Variants in AGAP1 observed in about 807,000 individuals in gnomAD.
The protein encoded by AGAP1 is ArfGAP with GTPase domain, ankyrin repeat and PH domain 1, also known as arf-GAP with GTPase, ANK repeat and PH domain-containing protein 1.
Under a neutral mutation model 105.3 loss-of-function variants are expected in AGAP1, and 29 were observed. The observed-to-expected ratio is 0.28, with a 90% confidence interval of 0.21 to 0.38. The LOEUF is 0.38. Among genes scored for constraint, AGAP1 ranks in the 10% least tolerant of loss-of-function variants. The pLI is 1.00. For synonymous variants in AGAP1, 509 were observed against 485.9 expected (o/e 1.05, Z -0.63); for missense variants, 998 against 1,165.1 (o/e 0.86, Z 2.09).
chr2:235,970,851 T>C lies in AGAP1; in HGVS notation c.1645+2228T>C, dbSNP rs1411462516. ...GTTTCAGGTCCACTTGCTGAGTGAGTGGGATGGTATGTGTGTGCGAGGCAA... is the reference window on the plus strand; with the variant it reads ...GTTTCAGGTCCACTTGCTGAGTGAGCGGGATGGTATGTGTGTGCGAGGCAA... On this transcript the variant is annotated intron_variant, in intron 13 of 17. Coordinates refer to ENST00000304032, the MANE Select transcript of AGAP1 (RefSeq NM_001037131.3). The surrounding 1 kb of genome is among the most constrained non-coding windows in gnomAD (Gnocchi z 5.4). Among the ~76,000 whole-genome samples, 1 of 151,954 alleles carries C rather than the reference T, an allele frequency of 6.6e-6. No individual in the cohort carries two copies. The highest frequency in any genetic ancestry group is 1.5e-5 in the Non-Finnish European group (1 of 67,982).
rs554901772 is a variant in AGAP1, at chr2:236,058,235, A to C, written c.2114+8954A>C. 1.4e-3 allele frequency among the ~76,000 whole-genome samples: 213 copies of C among 152,314 alleles called. No individual in the cohort carries two copies. Among genetic ancestry groups the C allele is most frequent in the Non-Finnish European group, 2.9e-3 (194 of 68,028 alleles). On this transcript the variant is annotated intron_variant, in intron 16 of 17. Transcript: ENST00000304032. The surrounding 1 kb of genome is among the most constrained non-coding windows in gnomAD (Gnocchi z 4.6). ...CCTGTGAACTCACTGTGTTAATCCA[A>C]GTCCCTGGACTTCATTCCTCACTTC... is the stretch of plus-strand genomic sequence containing the variant.
At chr2:235,765,389 C>T (rs555456605) in intron 6 of AGAP1, among the ~76,000 whole-genome samples, 5 of 152,164 alleles carry the variant, frequency 3.3e-5, no homozygotes, top group Middle Eastern at 3.4e-3. Flanking sequence ...GGTAGTCTCA[C>T]GCTGCCCCCA....
intron 1 of AGAP1, among the ~76,000 whole-genome samples, chr2:235,529,439 G>C (rs1264912248): frequency 1.3e-5 from 2 of 152,220 alleles, no homozygotes; most frequent in Non-Finnish European, 2.9e-5. Context: ...GTCCAGGGGT[G>C]CCTGATCTTA....
In AGAP1 at chr2:235,689,567, A is replaced by G. The variant is rs1232184609; in HGVS notation, c.164-19612A>G. Among the ~76,000 whole-genome samples, 1 of 152,158 alleles carries G rather than the reference A, an allele frequency of 6.6e-6. No homozygotes were observed. The highest frequency in any genetic ancestry group is 2.4e-5 in the African/African-American group (1 of 41,436). Reference sequence around the variant, plus strand: ...TCTGAAAGTCTTAAGTCTGTTTCTCAACTCCCCTCTTGTTTTCATTGTTTC... The same window carrying G: ...TCTGAAAGTCTTAAGTCTGTTTCTCGACTCCCCTCTTGTTTTCATTGTTTC... On this transcript the variant is annotated intron_variant, in intron 1 of 17. Transcript: ENST00000304032. This position sits in a 1 kb window ranked among gnomAD's most constrained non-coding sequence, Gnocchi z 4.2.
At position 235,936,798 on chromosome 2, in the gene AGAP1, C is replaced by G. The variant is rs971604802; in HGVS notation, c.1483+5875C>G. Among the ~76,000 whole-genome samples the G allele has an allele frequency of 2.0e-5, 3 of 152,150 alleles. No homozygotes were observed. Among genetic ancestry groups the G allele is most frequent in the African/African-American group, 4.8e-5 (2 of 41,434 alleles). On this transcript the variant is annotated intron_variant, in intron 12 of 17. Transcript: ENST00000304032. This position sits in a 1 kb window ranked among gnomAD's most constrained non-coding sequence, Gnocchi z 4.7. ...GCTGTTGTGACCTTCATGCCTAACA[C>G]TCGTTTCCCTGGGGATCATCATCTC... is the stretch of plus-strand genomic sequence containing the variant.
At chr2:235,678,939 G>T (rs1948911761) in intron 1 of AGAP1, among the ~76,000 whole-genome samples, 1 of 152,176 alleles carries the variant, frequency 6.6e-6, no homozygotes, top group Non-Finnish European at 1.5e-5. Context: ...TTTGTCTTCT[G>T]GGCATCCAGA....
chr2:235,809,202 T>C (rs1957998193), intron 9 of AGAP1, among the ~76,000 whole-genome samples: 1 of 152,150 alleles, frequency 6.6e-6, no homozygotes, highest in East Asian at 1.9e-4. Context: ...AATTTGTACC[T>C]GCTCATCTGT....
In AGAP1 at chr2:236,038,195, G is replaced by A. The variant is rs1445761412; in HGVS notation, c.1800+1480G>A. Among the ~76,000 whole-genome samples, 2 of 152,138 alleles carry A rather than the reference G, an allele frequency of 1.3e-5. No homozygotes were observed. The highest frequency in any genetic ancestry group is 2.1e-4 in the South Asian group (1 of 4,824). On this transcript the variant is annotated intron_variant, in intron 14 of 17. Coordinates refer to ENST00000304032, the MANE Select transcript of AGAP1 (RefSeq NM_001037131.3). The surrounding 1 kb of genome is among the most constrained non-coding windows in gnomAD (Gnocchi z 4.5). ...GCATCCATGATGTGCCTCCTGAAAC[G>A]AGCACAGGGTGCTTTGGGGCCACCT... is the stretch of plus-strand genomic sequence containing the variant.
intron 13 of AGAP1, among the ~76,000 whole-genome samples, chr2:235,984,656 T>C (rs1039679708): frequency 6.6e-5 from 10 of 152,062 alleles, no homozygotes; most frequent in African/African-American, 2.4e-4. Flanking sequence ...TCTGTGTCCA[T>C]GTGTTCTCGA....
rs1397786840 is a variant in AGAP1, at chr2:236,046,462, G to T, written c.1892-2597G>T. On this transcript the variant is annotated intron_variant, in intron 15 of 17. Transcript: ENST00000304032. The surrounding 1 kb of genome is among the most constrained non-coding windows in gnomAD (Gnocchi z 5.2). ...GAAGAAAGCGTTGGACTTATGAGAG[G>T]TTGAGAACCTTGTGATTGGCTGTGG... Among the ~76,000 whole-genome samples, 3 of 152,172 alleles carry T rather than the reference G, an allele frequency of 2.0e-5. No individual in the cohort carries two copies. The highest frequency in any genetic ancestry group is 2.1e-4 in the South Asian group (1 of 4,822).
intron 6 of AGAP1, among the ~76,000 whole-genome samples, chr2:235,762,226 A>G (rs1057328909): frequency 1.3e-5 from 2 of 152,130 alleles, no homozygotes; most frequent in African/African-American, 4.8e-5. Flanking sequence ...AGCAGCACTG[A>G]ATTTGTTCAC....
intron 1 of AGAP1, among the ~76,000 whole-genome samples, chr2:235,511,661 T>C (rs1310487782): frequency 1.3e-5 from 2 of 152,212 alleles, no homozygotes; most frequent in African/African-American, 4.8e-5. Context: ...GAAACTTCTA[T>C]ATATAAATCT....
chr2:235,861,501 A>G (rs769782865), intron 9 of AGAP1, among the ~76,000 whole-genome samples: 1 of 152,224 alleles, frequency 6.6e-6, no homozygotes, highest in Non-Finnish European at 1.5e-5. Flanking sequence ...TGGAACAGAG[A>G]AGGCTTTCGT....
In AGAP1 at chr2:235,904,454, G is replaced by T. The variant is rs2051208107; in HGVS notation, c.1156-4284G>T. 6.6e-6 allele frequency among the ~76,000 whole-genome samples: 1 copy of T among 152,146 alleles called. No individual in the cohort carries two copies. Among genetic ancestry groups the T allele is most frequent in the Admixed American group, 6.5e-5 (1 of 15,284 alleles). ...GGGCAGGAGATGGCACCTCTGGGGGGCCTGGCTCTTGAGTGGGCCCCAGGG... is the reference window on the plus strand; with the variant it reads ...GGGCAGGAGATGGCACCTCTGGGGGTCCTGGCTCTTGAGTGGGCCCCAGGG... On this transcript the variant is annotated intron_variant, in intron 10 of 17. Coordinates refer to ENST00000304032, the MANE Select transcript of AGAP1 (RefSeq NM_001037131.3). This position sits in a 1 kb window ranked among gnomAD's most constrained non-coding sequence, Gnocchi z 4.2.
intron 16 of AGAP1, among the ~76,000 whole-genome samples, chr2:236,059,630 A>G (rs1049506019): frequency 9.9e-5 from 15 of 152,246 alleles, no homozygotes; most frequent in Admixed American, 5.9e-4. Flanking sequence ...ACACACGTCA[A>G]TGAAGCGGAA....
intron 1 of AGAP1, among the ~76,000 whole-genome samples, chr2:235,696,279 CG>C (rs933376033): frequency 2.0e-5 from 3 of 152,318 alleles, no homozygotes; most frequent in African/African-American, 7.2e-5. Flanking sequence ...CTCCTGACCT[CG>C]GGTGATCCAC....
rs774994783 is a variant in AGAP1 at position 235,769,462 on chromosome 2, C to T, written c.673+18974C>T. On this transcript the variant is annotated intron_variant, in intron 6 of 17. Coordinates refer to ENST00000304032, the MANE Select transcript of AGAP1 (RefSeq NM_001037131.3). This position sits in a 1 kb window ranked among gnomAD's most constrained non-coding sequence, Gnocchi z 4.4. ...AATGTTTTAAGGAATTGGAGTTTTG[C>T]GAGGAGATGGTGACAAGCCTCACTC... Among the ~76,000 whole-genome samples, 1 of 152,212 alleles carries T rather than the reference C, an allele frequency of 6.6e-6. No individual in the cohort carries two copies. The highest frequency in any genetic ancestry group is 6.5e-5 in the Admixed American group (1 of 15,284).
chr2:235,754,553 A>G lies in AGAP1; in HGVS notation c.673+4065A>G, dbSNP rs911180781. 6.6e-6 allele frequency among the ~76,000 whole-genome samples: 1 copy of G among 152,152 alleles called. No homozygotes were observed. Among genetic ancestry groups the G allele is most frequent in the Non-Finnish European group, 1.5e-5 (1 of 68,032 alleles). ...TTTCTTCTCCAACATTTGACTTCTT[A>G]GTGTCTTGTAACAAAAGGACATTGT... On this transcript the variant is annotated intron_variant, in intron 6 of 17. Transcript: ENST00000304032. This position sits in a 1 kb window ranked among gnomAD's most constrained non-coding sequence, Gnocchi z 4.6.
At position 235,951,976 on chromosome 2, in the gene AGAP1, T is replaced by G. The variant is rs1217243105; in HGVS notation, c.1484-16486T>G. Among the ~76,000 whole-genome samples, 1 of 152,232 alleles carries G rather than the reference T, an allele frequency of 6.6e-6. No homozygotes were observed. Among genetic ancestry groups the G allele is most frequent in the Non-Finnish European group, 1.5e-5 (1 of 68,034 alleles). On this transcript the variant is annotated intron_variant, in intron 12 of 17. Coordinates refer to ENST00000304032, the MANE Select transcript of AGAP1 (RefSeq NM_001037131.3). This position sits in a 1 kb window ranked among gnomAD's most constrained non-coding sequence, Gnocchi z 4.2. ...TTCTGTCATCCTACCTGCTATGTAT[T>G]TGTGACCTGATATATTATTTTTAAA... is the stretch of plus-strand genomic sequence containing the variant.
Sources: gnomAD v4.1 joint callset for allele counts (sites outside exome capture counted in the v4.1 genomes callset) on GRCh38, gnomAD v4.1.1 for gene constraint, Gnocchi (gnomAD v3.1) non-coding constraint, MANE v1.5 for transcripts, NCBI Gene and HGNC (gene_info 2026-07-23, HGNC 2026-07-21) for gene names.